NAV3: variants seen among roughly 807,000 people sequenced by gnomAD.
NAV3 encodes pore membrane and/or filament interacting like protein 1.
A neutral mutation model predicts 244.7 loss-of-function variants in NAV3; 87 were observed. The observed-to-expected ratio is 0.36, with a 90% CI of 0.30 to 0.42. NAV3 has a LOEUF of 0.42. NAV3 is among the 20% of genes least tolerant of loss of function. The pLI is 1.00. For synonymous variants in NAV3, 1,126 were observed against 1,042.2 expected, an observed-to-expected ratio of 1.08 and a Z score of -1.55; for missense variants, 2,663 against 2,893.3, an observed-to-expected ratio of 0.92 and a Z score of 1.83.
At chr12:78,178,556 T>C (rs1186647558) in intron 28 of NAV3, among the ~76,000 whole-genome samples, 3 of 152,094 alleles carry the variant, frequency 2.0e-5, no homozygotes, top group Non-Finnish European at 2.9e-5. Flanking sequence ...GGGGGACTAC[T>C]GTACAAGAAC....
intron 22 of NAV3, among the ~76,000 whole-genome samples, chr12:78,155,603 T>G (rs1176720903): frequency 6.6e-6 from 1 of 152,088 alleles, no homozygotes; most frequent in Non-Finnish European, 1.5e-5. Flanking sequence ...GTCTTCCACA[T>G]TGGTTGAACT....
intron 5 of NAV3, among the ~76,000 whole-genome samples, chr12:77,987,087 T>C (rs1870645685): frequency 6.6e-6 from 1 of 152,206 alleles, no homozygotes; most frequent in East Asian, 1.9e-4. Context: ...CTATGTAAAG[T>C]AGATTGAAGT....
intron 1 of NAV3, among the ~76,000 whole-genome samples, chr12:77,867,844 G>A (rs1294914447): frequency 3.9e-5 from 6 of 152,292 alleles, no homozygotes; most frequent in Non-Finnish European, 5.9e-5. Context: ...GCTCCAAACC[G>A]TGTACAAAGT....
chr12:77,759,547 C>A lies in NAV3; in HGVS notation c.73-180772C>A, dbSNP rs148076891. Among the ~76,000 whole-genome samples the A allele has an allele frequency of 8.1e-4, 124 of 152,244 alleles. 1 individual carries two copies. Among genetic ancestry groups the A allele is most frequent in the African/African-American group, 2.7e-3 (112 of 41,548 alleles). ...AAGCTTTAAATATTGTCCTCCGATG[C>A]CTAGATAACTTATCAAATAATTGTC... On this transcript the variant is annotated intron_variant, in intron 2 of 8. Coordinates refer to the NAV3 transcript ENST00000550042.
At chr12:78,064,391 A>G (rs1027458901) in intron 12 of NAV3, among the ~76,000 whole-genome samples, 9 of 133,504 alleles carry the variant, frequency 6.7e-5, no homozygotes, top group African/African-American at 2.2e-4. Context: ...ACATCTATCT[A>G]TCTGTGTCTG....
chr12:77,614,257 C>G (rs1871060349), intron 2 of NAV3, among the ~76,000 whole-genome samples: 1 of 151,720 alleles, frequency 6.6e-6, no homozygotes. Context: ...TGGACCCAGA[C>G]ATTGCCAAAT....
At chr12:77,904,540 GC>G (rs1273032319) in intron 1 of NAV3, among the ~76,000 whole-genome samples, 3 of 152,136 alleles carry the variant, frequency 2.0e-5, no homozygotes, top group Non-Finnish European at 4.4e-5. Flanking sequence ...TATACCTAAT[GC>G]TAAATGACGA....
At chr12:77,762,310 G>C (rs1437961748) in intron 2 of NAV3, among the ~76,000 whole-genome samples, 2 of 152,066 alleles carry the variant, frequency 1.3e-5, no homozygotes, top group Non-Finnish European at 2.9e-5. Context: ...GATAGCATTA[G>C]GAGAAATACC....
intron 2 of NAV3, among the ~76,000 whole-genome samples, chr12:77,801,805 C>G (rs1442903553): frequency 6.6e-6 from 1 of 152,170 alleles, no homozygotes; most frequent in African/African-American, 2.4e-5. Flanking sequence ...CATTCCCTAA[C>G]TCTCTGCCTG....
At chr12:77,610,777 TG>T (rs1219342138) in intron 2 of NAV3, among the ~76,000 whole-genome samples, 10 of 152,064 alleles carry the variant, frequency 6.6e-5, no homozygotes, top group Non-Finnish European at 1.3e-4. Context: ...AAAGTGAGCC[TG>T]GTCTCCATGT....
chr12:77,672,408 G>A (rs1487484180), intron 2 of NAV3, among the ~76,000 whole-genome samples: 1 of 152,080 alleles, frequency 6.6e-6, no homozygotes, highest in East Asian at 1.9e-4. Flanking sequence ...TATCTACCCA[G>A]AGGAAAATAA....
At chr12:77,707,184 A>C (rs1358051873) in intron 2 of NAV3, among the ~76,000 whole-genome samples, 1 of 150,210 alleles carries the variant, frequency 6.7e-6, no homozygotes, top group African/African-American at 2.5e-5. Flanking sequence ...CATTAGGTAC[A>C]TCTCCTAATG....
rs150214078 is a variant in NAV3 at position 77,807,306 on chromosome 12, G to C, written c.73-133013G>C. ...TACAATGTGGTATGTTTTTGCAGTG[G>C]CTGGTACTGGTTTTTCCTTTCCATA... On this transcript the variant is annotated intron_variant, in intron 2 of 8. Coordinates refer to the NAV3 transcript ENST00000550042. Among the ~76,000 whole-genome samples, 573 of 152,254 alleles carry C rather than the reference G, an allele frequency of 3.8e-3. 4 individuals carry two copies. Among genetic ancestry groups the C allele is most frequent in the African/African-American group, 0.013 (520 of 41,536 alleles).
chr12:78,082,770 C>T (rs192523271), intron 12 of NAV3, among the ~76,000 whole-genome samples: 53 of 152,292 alleles, frequency 3.5e-4, no homozygotes, highest in African/African-American at 1.2e-3. Context: ...TTTTACTATG[C>T]TGCTTAGAAT....
chr12:77,983,070 CTGGAGA>C (rs1869853669), intron 5 of NAV3, among the ~76,000 whole-genome samples: 2 of 152,282 alleles, frequency 1.3e-5, no homozygotes, highest in South Asian at 4.1e-4. Flanking sequence ...AGAGAGAAGA[CTGGAGA>C]AATAGGCAGA....
intron 2 of NAV3, among the ~76,000 whole-genome samples, chr12:77,756,202 A>G (rs986861025): frequency 1.3e-5 from 2 of 152,172 alleles, no homozygotes; most frequent in Admixed American, 6.6e-5. Context: ...TTTTTTTAGT[A>G]TCATTATTAA....
At chr12:77,904,478 A>G (rs1173990442) in intron 1 of NAV3, among the ~76,000 whole-genome samples, 3 of 152,142 alleles carry the variant, frequency 2.0e-5, no homozygotes, top group Non-Finnish European at 4.4e-5. Context: ...GGAACATCAC[A>G]CACTGGGGCC....
intron 3 of NAV3, 136 bp downstream of exon 3, chr12:77,941,269 A>G: frequency 1.6e-6 from 1 of 611,242 alleles, no homozygotes; most frequent in East Asian, 2.9e-5. Flanking sequence ...TCTCATATGT[A>G]TTTGTGTGGG....
At chr12:78,145,330 C>T (rs776904510) in intron 20 of NAV3, among the ~76,000 whole-genome samples, 13 of 152,114 alleles carry the variant, frequency 8.5e-5, no homozygotes, top group Non-Finnish European at 1.6e-4. Context: ...AAAAGAGTTT[C>T]TGGCAAATAA....
Sources: allele counts gnomAD v4.1 joint callset (sites outside exome capture counted in the v4.1 genomes callset), GRCh38; gene constraint gnomAD v4.1.1; transcripts MANE v1.5; gene names NCBI Gene and HGNC (gene_info 2026-07-23, HGNC 2026-07-21).